The following MED12L variants were observed in gnomAD, a reference collection of about 807,000 sequenced individuals.
MED12L encodes mediator complex subunit 12L, also known as mediator of RNA polymerase II transcription subunit 12-like protein.
A neutral mutation model predicts 281.3 loss-of-function variants in MED12L; 60 were observed. The ratio of observed to expected loss-of-function variants is 0.21; its 90% CI spans 0.17 to 0.26. The LOEUF (loss-of-function observed/expected upper bound fraction) is 0.26. MED12L is among the 10% of genes least tolerant of loss of function. The pLI, the probability that MED12L is intolerant of heterozygous loss-of-function variation, is 1.00. For missense variants in MED12L, 2,146 were observed against 2,680.9 expected, an observed-to-expected ratio of 0.80 and a Z score of 4.41; for synonymous variants, 974 against 987.2, an observed-to-expected ratio of 0.99 and a Z score of 0.25.
Position 151,086,803 on chromosome 3 carries a change from C to A in MED12L, c.-124C>A. The A allele has an allele frequency of 1.4e-6, 1 of 731,134 alleles. No individual in the cohort carries two copies. Among genetic ancestry groups the A allele is most frequent in the Non-Finnish European group, 2.2e-6 (1 of 450,608 alleles). 45.3% of individuals were successfully genotyped at this position (731,134 alleles called of 1,614,324 possible). ...TTTATTCCTCCTGCCTGCAGCGCCA[C>A]AGCGAGCGAGCGAGCGAGGAGGGGG... On this transcript the variant is annotated 5_prime_UTR_variant, in exon 2 of 45. Transcript: ENST00000687756.
At chr3:151,243,008 G>A (rs1253711783) in intron 16 of MED12L, among the ~76,000 whole-genome samples, 22 of 151,768 alleles carry the variant, frequency 1.4e-4, no homozygotes, top group African/African-American at 5.3e-4. Flanking sequence ...CTGGAAGAAA[G>A]GGTATCAGCG....
intron 16 of MED12L, chr3:151,337,825 G>C: frequency 1.2e-6 from 2 of 1,613,740 alleles, no homozygotes; most frequent in South Asian, 1.1e-5. Context: ...GTTTACATTG[G>C]AGTCTCTTCA....
In MED12L at chr3:151,416,354, C is replaced by G. The variant is rs1430647778; in HGVS notation, c.6340C>G (p.Pro2114Ala). The change falls in exon 43 of 45, where the codon CCC becomes GCC. Residue 2114 changes from proline to alanine, a missense_variant. Physicochemically the swap from Pro to Ala is conservative, Grantham distance 27. Coordinates refer to ENST00000687756, the MANE Select transcript of MED12L (RefSeq NM_001393769.1). ...GCCCCAGCCCCAGCAGCCTCCCCAGCCCCAGCAGTCCTCGCAGTCCCAGAG... is the reference window on the plus strand; with the variant it reads ...GCCCCAGCCCCAGCAGCCTCCCCAGGCCCAGCAGTCCTCGCAGTCCCAGAG... ...QQPQPQQPPQPQQSSQSQSQT... is the reference protein window; with the variant it reads ...QQPQPQQPPQAQQSSQSQSQT... 6.2e-7 allele frequency: 1 copy of G among 1,611,452 alleles called. No individual in the cohort carries two copies. The highest frequency in any genetic ancestry group is 1.7e-5 in the Admixed American group (1 of 59,908).
intron 38 of MED12L, among the ~76,000 whole-genome samples, chr3:151,394,142 T>A (rs551375766): frequency 1.1e-4 from 17 of 152,256 alleles, no homozygotes; most frequent in Non-Finnish European, 2.4e-4. Flanking sequence ...ACTTGAAGTT[T>A]GCAAGCATTT....
intron 16 of MED12L, chr3:151,329,650 A>T (rs1750128742): frequency 1.7e-6 from 1 of 577,964 alleles, no homozygotes; most frequent in Non-Finnish European, 3.0e-6. Flanking sequence ...GACCTTTGGG[A>T]CATTTGCTAA....
chr3:151,279,520 A>C (rs927719453), intron 16 of MED12L, among the ~76,000 whole-genome samples: 2 of 152,224 alleles, frequency 1.3e-5, no homozygotes, highest in African/African-American at 4.8e-5. Context: ...TGTGAGACAC[A>C]GAGCTTGTTT....
chr3:151,204,285 A>C (rs1319605946), intron 16 of MED12L, among the ~76,000 whole-genome samples: 1 of 152,222 alleles, frequency 6.6e-6, no homozygotes, highest in Non-Finnish European at 1.5e-5. Flanking sequence ...TCTTGGTATT[A>C]GTTTTTAAAA....
intron 11 of MED12L, among the ~76,000 whole-genome samples, chr3:151,181,679 G>A (rs146757952): frequency 7.4e-4 from 111 of 150,762 alleles, no homozygotes; most frequent in African/African-American, 2.6e-3. Context: ...TCGGCTTCCT[G>A]GGTTCAAATG....
At chr3:151,340,520 A>T (rs1193257280) in intron 16 of MED12L, 1 of 152,622 alleles carries the variant, frequency 6.6e-6, no homozygotes, top group Non-Finnish European at 1.5e-5. Flanking sequence ...ATTTTAAGAG[A>T]AACTTGGAAA....
At chr3:151,121,881 A>ATTT (rs35098561) in intron 3 of MED12L, among the ~76,000 whole-genome samples, 14 of 146,344 alleles carry the variant, frequency 9.6e-5, no homozygotes, top group African/African-American at 2.0e-4. Flanking sequence ...CTAATTTTGT[A>ATTT]TTTTTTTTTT....
chr3:151,109,574 T>C (rs917725918), intron 2 of MED12L, among the ~76,000 whole-genome samples: 2 of 152,228 alleles, frequency 1.3e-5, no homozygotes, highest in African/African-American at 4.8e-5. Context: ...TTGAAATCCA[T>C]GTGCACAATG....
chr3:151,358,118 TTAATCTAGCACATG>T (rs1754156845), intron 20 of MED12L, among the ~76,000 whole-genome samples: 1 of 152,202 alleles, frequency 6.6e-6, no homozygotes, highest in Non-Finnish European at 1.5e-5. Context: ...TTTTATTTTT[TTAATCTAGCACATG>T]TAATCAATTT....
chr3:151,335,189 T>C (rs1460271156), intron 16 of MED12L, among the ~76,000 whole-genome samples: 1 of 152,176 alleles, frequency 6.6e-6, no homozygotes, highest in Admixed American at 6.5e-5. Flanking sequence ...TTAACTATAG[T>C]CACCCTATTG....
intron 16 of MED12L, chr3:151,241,955 A>C (rs1302173768): frequency 6.5e-6 from 1 of 153,440 alleles, no homozygotes; most frequent in Non-Finnish European, 1.4e-5. Context: ...GCACTGCCTC[A>C]CTTGGGAAGC....
intron 5 of MED12L, among the ~76,000 whole-genome samples, chr3:151,153,547 C>A (rs1718851256): frequency 6.7e-6 from 1 of 150,348 alleles, no homozygotes. Context: ...CTGTATGTAT[C>A]CGTTTCTGTT....
chr3:151,248,199 G>C (rs953123635), intron 16 of MED12L, among the ~76,000 whole-genome samples: 3 of 151,790 alleles, frequency 2.0e-5, no homozygotes, highest in Non-Finnish European at 4.4e-5. Context: ...AAGAACCAAG[G>C]AAAGGAAAAT....
rs1201489919 is a variant in MED12L, at chr3:151,412,996, C to A, written c.6141-143C>A. 6.9e-6 allele frequency: 6 copies of A among 873,844 alleles called. No homozygotes were observed. The African/African-American group carries it at 1.0e-4, about 15-fold the overall frequency. 54.1% of individuals were successfully genotyped at this position (873,844 alleles called of 1,614,324 possible). On this transcript the variant is annotated intron_variant, in intron 41 of 44. Coordinates refer to ENST00000687756, the MANE Select transcript of MED12L (RefSeq NM_001393769.1). ...GTGGTCACATCTATTATTTTAACCA[C>A]TGGGCTTTAGTCTATTTGAATTGTG...
At chr3:151,328,962 TG>T (rs1172994194) in intron 16 of MED12L, 1 of 1,613,234 alleles carries the variant, frequency 6.2e-7, no homozygotes, top group East Asian at 2.2e-5. Context: ...CGCTCAGATC[TG>T]TTGAAGCCTT....
chr3:151,393,552 C>A (rs1714574060), intron 38 of MED12L, among the ~76,000 whole-genome samples: 1 of 145,054 alleles, frequency 6.9e-6, no homozygotes, highest in Non-Finnish European at 1.5e-5. Flanking sequence ...TAGGGTAAAT[C>A]TTTTGGAACC....
Sources: allele counts gnomAD v4.1 joint callset (sites outside exome capture counted in the v4.1 genomes callset), GRCh38; gene constraint gnomAD v4.1.1; transcripts MANE v1.5; gene names NCBI Gene and HGNC (gene_info 2026-07-23, HGNC 2026-07-21).